Variants in LRRTM4 observed in about 807,000 individuals in gnomAD.
The protein encoded by LRRTM4 is leucine-rich repeat transmembrane neuronal protein 4.
LRRTM4 carries 25 observed loss-of-function variants against 47.6 expected under a neutral mutation model. That is an observed-to-expected ratio of 0.53 (90% CI 0.38 to 0.73). LRRTM4 has a LOEUF of 0.73. Ranked by LOEUF, LRRTM4 falls within the 30% of genes least tolerant of loss-of-function variation. The pLI is 0.00. For synonymous variants in LRRTM4, 311 were observed against 269.5 expected (o/e 1.15, Z -1.51); for missense variants, 638 against 713.4 (o/e 0.89, Z 1.20).
chr2:77,413,756 A>C (rs1246767366), intron 3 of LRRTM4, among the ~76,000 whole-genome samples: 1 of 152,104 alleles, frequency 6.6e-6, no homozygotes, highest in East Asian at 1.9e-4. Context: ...ACTATCACCT[A>C]ATGGAATGAA....
intron 3 of LRRTM4, among the ~76,000 whole-genome samples, chr2:76,831,473 CTAA>C (rs1231593356): frequency 6.6e-6 from 1 of 152,084 alleles, no homozygotes; most frequent in East Asian, 1.9e-4. Flanking sequence ...TGGTTTCTCC[CTAA>C]TGTTTCCTGA....
chr2:77,022,242 A>C (rs1402586992), intron 3 of LRRTM4, among the ~76,000 whole-genome samples: 1 of 152,070 alleles, frequency 6.6e-6, no homozygotes, highest in Non-Finnish European at 1.5e-5. Context: ...GTATGAGGAA[A>C]ACCTCCTCCA....
intron 3 of LRRTM4, among the ~76,000 whole-genome samples, chr2:77,199,146 T>C (rs914630530): frequency 3.3e-5 from 5 of 152,158 alleles, no homozygotes; most frequent in Non-Finnish European, 7.4e-5. Flanking sequence ...ATAGGGACAT[T>C]AAATAAATTG....
intron 3 of LRRTM4, among the ~76,000 whole-genome samples, chr2:76,758,400 G>A (rs1046883437): frequency 1.3e-5 from 2 of 152,122 alleles, no homozygotes; most frequent in Non-Finnish European, 2.9e-5. Context: ...GACACAGAAG[G>A]AAGAAAACTG....
chr2:76,890,318 A>G (rs1035017276), intron 3 of LRRTM4, among the ~76,000 whole-genome samples: 5 of 152,002 alleles, frequency 3.3e-5, no homozygotes, highest in African/African-American at 1.2e-4. Context: ...TAAAAAATGC[A>G]AAGAGGGATG....
intron 3 of LRRTM4, among the ~76,000 whole-genome samples, chr2:77,337,465 C>T (rs1009681345): frequency 6.6e-6 from 1 of 152,066 alleles, no homozygotes; most frequent in Non-Finnish European, 1.5e-5. Flanking sequence ...TCCCAATAAT[C>T]TCCACATGTT....
chr2:76,880,209 A>T (rs1454716591), intron 3 of LRRTM4, among the ~76,000 whole-genome samples: 3 of 152,222 alleles, frequency 2.0e-5, no homozygotes, highest in Non-Finnish European at 1.5e-5. Context: ...GTACAGCATC[A>T]CATGCCACAG....
intron 3 of LRRTM4, among the ~76,000 whole-genome samples, chr2:77,351,687 A>T (rs1322941756): frequency 1.3e-5 from 2 of 150,666 alleles, no homozygotes; most frequent in Non-Finnish European, 3.0e-5. Context: ...ACATAATTAC[A>T]TGAGCATAGA....
intron 3 of LRRTM4, among the ~76,000 whole-genome samples, chr2:76,856,993 C>G (rs1486669949): frequency 2.6e-5 from 4 of 151,822 alleles, no homozygotes; most frequent in Admixed American, 6.6e-5. Context: ...AAATAAATTT[C>G]TCTCTTAATG....
intron 3 of LRRTM4, among the ~76,000 whole-genome samples, chr2:77,382,838 G>A (rs922085810): frequency 7.2e-5 from 11 of 151,974 alleles, no homozygotes; most frequent in Non-Finnish European, 1.6e-4. Context: ...AATCTAACCT[G>A]AAAATGGGCC....
At chr2:77,005,526 A>C (rs559727632) in intron 3 of LRRTM4, among the ~76,000 whole-genome samples, 55 of 152,232 alleles carry the variant, frequency 3.6e-4, no homozygotes, top group African/African-American at 1.3e-3. Flanking sequence ...TCCCCACTCA[A>C]ATCTCACCTT....
At chr2:77,272,632 C>T (rs1379940753) in intron 3 of LRRTM4, among the ~76,000 whole-genome samples, 1 of 152,134 alleles carries the variant, frequency 6.6e-6, no homozygotes, top group Non-Finnish European at 1.5e-5. Context: ...AATCCTTGAG[C>T]TTGGAGATGG....
chr2:77,033,597 T>C (rs1411465398), intron 3 of LRRTM4, among the ~76,000 whole-genome samples: 1 of 151,938 alleles, frequency 6.6e-6, no homozygotes, highest in East Asian at 1.9e-4. Context: ...AATCTTCAAA[T>C]GTCTCTCCTT....
intron 3 of LRRTM4, among the ~76,000 whole-genome samples, chr2:77,475,413 T>A (rs1677348951): frequency 6.6e-6 from 1 of 152,080 alleles, no homozygotes; most frequent in Non-Finnish European, 1.5e-5. Context: ...ATCACATTAC[T>A]ATCATAACAA....
intron 3 of LRRTM4, among the ~76,000 whole-genome samples, chr2:76,924,759 G>C (rs2178573): frequency 0.12 from 18,109 of 151,780 alleles, 1,477 homozygotes; most frequent in East Asian, 0.43. Context: ...GGAATAATAA[G>C]ACACACACGC....
chr2:77,442,699 A>G (rs111388269), intron 3 of LRRTM4, among the ~76,000 whole-genome samples: 1 of 152,206 alleles, frequency 6.6e-6, no homozygotes, highest in South Asian at 2.1e-4. Context: ...TTCAGGTCCT[A>G]TGAGAAACAG....
chr2:76,971,737 A>G (rs1034012590), intron 3 of LRRTM4, among the ~76,000 whole-genome samples: 12 of 152,214 alleles, frequency 7.9e-5, no homozygotes, highest in Non-Finnish European at 1.6e-4. Flanking sequence ...ATATTTGCAA[A>G]AATTCAGTGA....
At chr2:77,432,556 A>T (rs548300219) in intron 3 of LRRTM4, among the ~76,000 whole-genome samples, 47 of 152,388 alleles carry the variant, frequency 3.1e-4, no homozygotes, top group African/African-American at 1.1e-3. Context: ...AAAGCCAGTC[A>T]TCGACATATG....
At chr2:76,806,581 C>G (rs564802243) in intron 3 of LRRTM4, among the ~76,000 whole-genome samples, 3 of 145,268 alleles carry the variant, frequency 2.1e-5, no homozygotes, top group South Asian at 2.3e-4. Context: ...AACCCCGTCT[C>G]AAAACATTTT....
Sources: gnomAD v4.1 joint callset for allele counts (sites outside exome capture counted in the v4.1 genomes callset) on GRCh38, gnomAD v4.1.1 for gene constraint, MANE v1.5 for transcripts, NCBI Gene and HGNC (gene_info 2026-07-23, HGNC 2026-07-21) for gene names.